FLT1: variants seen among roughly 807,000 people sequenced by gnomAD.
The protein encoded by FLT1 is vascular endothelial growth factor receptor 1.
Under a neutral mutation model 156.3 loss-of-function variants are expected in FLT1, and 49 were observed. The observed-to-expected ratio is 0.31, with a 90% CI of 0.25 to 0.40. The LOEUF (loss-of-function observed/expected upper bound fraction) is 0.40, where lower values mean the gene tolerates loss of function less well. Among genes scored for constraint, FLT1 ranks in the 10% least tolerant of loss-of-function variants. The probability of loss-of-function intolerance (pLI) is 1.00; values close to 1 mark genes in which losing one functional copy is unlikely to be tolerated. For synonymous variants in FLT1, 594 were observed against 583.8 expected, an observed-to-expected ratio of 1.02 and a Z score of -0.25; for missense variants, 1,322 against 1,637.2, an observed-to-expected ratio of 0.81 and a Z score of 3.32.
chr13:28,448,150 C>G (rs1878722076), intron 3 of FLT1, among the ~76,000 whole-genome samples: 1 of 152,212 alleles, frequency 6.6e-6, no homozygotes. Context: ...CTCTCATCCA[C>G]TGCTGGTGGG....
chr13:28,364,464 T>G (rs555985070), intron 14 of FLT1, among the ~76,000 whole-genome samples: 1 of 152,354 alleles, frequency 6.6e-6, no homozygotes, highest in East Asian at 1.9e-4. Flanking sequence ...CTTTTTGTTA[T>G]TTAAGAACTC....
At chr13:28,451,902 T>A (rs1172556853) in intron 3 of FLT1, among the ~76,000 whole-genome samples, 2 of 152,276 alleles carry the variant, frequency 1.3e-5, no homozygotes, top group East Asian at 3.9e-4. Context: ...ACAGGAGGTG[T>A]TGTGGCAGCT....
At chr13:28,458,652 T>TC (rs1879400804) in intron 3 of FLT1, among the ~76,000 whole-genome samples, 2 of 152,224 alleles carry the variant, frequency 1.3e-5, no homozygotes, top group African/African-American at 4.8e-5. Context: ...ATCAGGGTCT[T>TC]CTATAGTCAA....
intron 15 of FLT1, among the ~76,000 whole-genome samples, chr13:28,356,725 A>G (rs1448307923): frequency 6.6e-6 from 1 of 152,238 alleles, no homozygotes; most frequent in Admixed American, 6.5e-5. Context: ...TCTGAAGTCG[A>G]CTGGTTAGCA....
intron 14 of FLT1, 114 bp downstream of exon 14, chr13:28,384,771 G>T: frequency 2.0e-6 from 2 of 1,006,316 alleles, no homozygotes; most frequent in Non-Finnish European, 3.1e-6. Flanking sequence ...AGTGTTTGGG[G>T]CTCTATCAGC....
intron 24 of FLT1, among the ~76,000 whole-genome samples, 159 bp downstream of exon 24, chr13:28,319,264 G>A (rs183654416): frequency 7.3e-4 from 111 of 152,250 alleles, no homozygotes; most frequent in South Asian, 7.3e-3. Context: ...ACATGCGTAC[G>A]CCATTACTCA....
chr13:28,326,562 G>A (rs542041987), intron 20 of FLT1, among the ~76,000 whole-genome samples: 4 of 107,846 alleles, frequency 3.7e-5, no homozygotes, highest in Non-Finnish European at 6.8e-5. Flanking sequence ...GTCTCACTCT[G>A]TTGCCCAGGC....
intron 12 of FLT1, among the ~76,000 whole-genome samples, chr13:28,392,329 T>A (rs1874786689): frequency 6.6e-6 from 1 of 152,226 alleles, no homozygotes; most frequent in South Asian, 2.1e-4. Context: ...ACTTTTAAGA[T>A]AACAATAAGG....
At chr13:28,406,147 A>C (rs1366087766) in intron 10 of FLT1, among the ~76,000 whole-genome samples, 2 of 152,244 alleles carry the variant, frequency 1.3e-5, no homozygotes, top group East Asian at 3.8e-4. Context: ...TGTTAATATT[A>C]AATAAAAATG....
intron 10 of FLT1, among the ~76,000 whole-genome samples, chr13:28,406,268 A>G (rs2137494174): frequency 6.6e-6 from 1 of 152,320 alleles, no homozygotes; most frequent in African/African-American, 2.4e-5. Flanking sequence ...AAATCATACC[A>G]TTTTATATCT....
chr13:28,308,010 G>A (rs1333671315), intron 28 of FLT1, among the ~76,000 whole-genome samples: 3 of 152,202 alleles, frequency 2.0e-5, no homozygotes, highest in Admixed American at 1.3e-4. Flanking sequence ...CTGACCTCGT[G>A]ATCCGCCTGC....
At chr13:28,361,084 G>A (rs1386867060) in intron 14 of FLT1, among the ~76,000 whole-genome samples, 1 of 152,074 alleles carries the variant, frequency 6.6e-6, no homozygotes, top group Non-Finnish European at 1.5e-5. Context: ...TTCGAGACCA[G>A]CCTATCCAAT....
chr13:28,397,618 C>T (rs1808988450), intron 11 of FLT1, among the ~76,000 whole-genome samples: 2 of 151,958 alleles, frequency 1.3e-5, no homozygotes, highest in South Asian at 2.1e-4. Flanking sequence ...AACTTCTGGG[C>T]TCAAGCAGTT....
intron 1 of FLT1, among the ~76,000 whole-genome samples, chr13:28,472,501 T>A (rs974973514): frequency 6.6e-6 from 1 of 152,178 alleles, no homozygotes; most frequent in Non-Finnish European, 1.5e-5. Flanking sequence ...AAAACTGCTA[T>A]TTTTACTAAT....
At chr13:28,379,492 G>A (rs116307698) in intron 14 of FLT1, among the ~76,000 whole-genome samples, 19 of 152,268 alleles carry the variant, frequency 1.2e-4, no homozygotes, top group African/African-American at 4.3e-4. Flanking sequence ...GTGTCAGGGC[G>A]CAGCAGGAAG....
At chr13:28,384,467 A>T (rs1593729436) in intron 14 of FLT1, among the ~76,000 whole-genome samples, 1 of 151,460 alleles carries the variant, frequency 6.6e-6, no homozygotes, top group East Asian at 1.9e-4. Flanking sequence ...AAAAAAAAAA[A>T]AGAAAGAAAG....
intron 1 of FLT1, among the ~76,000 whole-genome samples, chr13:28,470,059 T>A (rs1189074105): frequency 6.6e-6 from 1 of 152,184 alleles, no homozygotes; most frequent in Non-Finnish European, 1.5e-5. Flanking sequence ...ATTAATATAT[T>A]AAAAGTAATT....
At chr13:28,431,373 A>T in intron 6 of FLT1, 63 bp from the exon 7 acceptor site, 2 of 1,176,498 alleles carry the variant, frequency 1.7e-6, no homozygotes, top group South Asian at 1.2e-5. Context: ...GTTATATAGG[A>T]TTTTAACATT....
chr13:28,474,403 T>C (rs111649449), intron 1 of FLT1, among the ~76,000 whole-genome samples: 15,798 of 151,674 alleles, frequency 0.1, 1,006 homozygotes, highest in Admixed American at 0.2. Context: ...TTCAGTGAGC[T>C]GAGATTGCAC....
Sources: gnomAD v4.1 joint callset for allele counts (sites outside exome capture counted in the v4.1 genomes callset) on GRCh38, gnomAD v4.1.1 for gene constraint, MANE v1.5 for transcripts, NCBI Gene and HGNC (gene_info 2026-07-23, HGNC 2026-07-21) for gene names.